Variants in CRB1 observed in about 807,000 individuals in gnomAD.
The protein encoded by CRB1 is crumbs cell polarity complex component 1.
CRB1 carries 83 observed loss-of-function variants against 120.0 expected under a neutral mutation model. That is an observed-to-expected ratio of 0.69 (90% confidence interval 0.58 to 0.83). CRB1 has a LOEUF of 0.83. CRB1 is among the 40% of genes least tolerant of loss of function. CRB1 has a pLI of 0.00. For synonymous variants in CRB1, 625 were observed against 612.5 expected (o/e 1.02, Z -0.30); for missense variants, 1,699 against 1,687.6 (o/e 1.01, Z -0.12).
chr1:197,373,019 C>T (rs529899347), intron 5 of CRB1, among the ~76,000 whole-genome samples: 1 of 152,204 alleles, frequency 6.6e-6, no homozygotes, highest in East Asian at 1.9e-4. Context: ...TGCCTCTCTC[C>T]CCTGAACTGC....
intron 5 of CRB1, among the ~76,000 whole-genome samples, chr1:197,365,353 C>T (rs1661003084): frequency 6.6e-6 from 1 of 152,102 alleles, no homozygotes; most frequent in African/African-American, 2.4e-5. Context: ...GCATAATCCC[C>T]TTTACTGATC....
chr1:197,346,402 C>T (rs1392127346), intron 3 of CRB1, among the ~76,000 whole-genome samples: 5 of 151,710 alleles, frequency 3.3e-5, no homozygotes, highest in Non-Finnish European at 7.4e-5. Flanking sequence ...GGGTTTTTGT[C>T]GCTAATGTTT....
chr1:197,396,764 G>T (rs998358476), intron 5 of CRB1, among the ~76,000 whole-genome samples: 3 of 152,130 alleles, frequency 2.0e-5, no homozygotes, highest in Admixed American at 1.3e-4. Flanking sequence ...CAGCCATATT[G>T]CAGGGAAATG....
intron 5 of CRB1, among the ~76,000 whole-genome samples, chr1:197,367,117 A>T (rs1186248341): frequency 6.6e-6 from 1 of 152,200 alleles, no homozygotes; most frequent in Non-Finnish European, 1.5e-5. Context: ...GTTGAATAAT[A>T]CTATTCAGTC....
At position 197,421,531 on chromosome 1, in the gene CRB1, A is replaced by G. The variant is rs756039000; in HGVS notation, c.1703A>G (p.His568Arg). 1 of 1,614,214 alleles carries G rather than the reference A, an allele frequency of 6.2e-7. No individual in the cohort carries two copies. Among genetic ancestry groups the G allele is most frequent in the Non-Finnish European group, 8.5e-7 (1 of 1,180,040 alleles). ...CACAACACCAGCGATGGAGAGTGGC[A>G]TTTCGTGGAGGTAATATTTGCAGAG... ...ISHNTSDGEW[H>R]FVEVIFAEAV... The change falls in exon 6 of 12, where the codon CAT becomes CGT. Residue 568 changes from histidine (H) to arginine (R), a missense_variant. Coordinates refer to ENST00000367400, the MANE Select transcript of CRB1 (RefSeq NM_201253.3).
chr1:197,313,021 T>A (rs766899257), intron 1 of CRB1, among the ~76,000 whole-genome samples: 63 of 152,212 alleles, frequency 4.1e-4, no homozygotes, highest in Admixed American at 4.1e-3. Flanking sequence ...GAGGTTTGAT[T>A]GACTCACAGT....
At chr1:197,260,443 T>G in the CRB1 span, among the ~76,000 whole-genome samples, 1 of 151,826 alleles carries the variant, frequency 6.6e-6, no homozygotes. Flanking sequence ...TTTTAATATA[T>G]GTATTTTAAT....
At chr1:197,447,827 C>T (rs1665773010) in intron 11 of CRB1, among the ~76,000 whole-genome samples, 1 of 146,980 alleles carries the variant, frequency 6.8e-6, no homozygotes, top group Non-Finnish European at 1.5e-5. Context: ...GCACTCCAGC[C>T]TGGGCAACAG....
intron 5 of CRB1, among the ~76,000 whole-genome samples, chr1:197,405,270 G>T (rs559632252): frequency 3.3e-5 from 5 of 152,304 alleles, no homozygotes; most frequent in East Asian, 3.9e-4. Flanking sequence ...TGGAGACGGG[G>T]TTTCGCTGTG....
chr1:197,448,370 G>A (rs890238216), intron 11 of CRB1, among the ~76,000 whole-genome samples: 2 of 152,178 alleles, frequency 1.3e-5, no homozygotes, highest in African/African-American at 4.8e-5. Flanking sequence ...GATGCCAGGA[G>A]TTCCACTGGT....
chr1:197,443,884 C>A (rs1446473740), intron 11 of CRB1: 1 of 151,520 alleles, frequency 6.6e-6, no homozygotes, highest in African/African-American at 2.4e-5. Context: ...GTAGATATAC[C>A]CTTCCAAAGA....
At chr1:197,428,879 C>A in intron 7 of CRB1, 2 of 1,289,444 alleles carry the variant, frequency 1.6e-6, no homozygotes, top group Non-Finnish European at 2.1e-6. Flanking sequence ...ACAGTTCATG[C>A]TCTAATAAAT....
intron 11 of CRB1, among the ~76,000 whole-genome samples, chr1:197,471,557 T>C (rs1482060364): frequency 6.6e-6 from 1 of 152,172 alleles, no homozygotes; most frequent in Non-Finnish European, 1.5e-5. Flanking sequence ...GGCTCTCTGA[T>C]CGCCATCCTT....
At chr1:197,262,272 A>G in the CRB1 span, among the ~76,000 whole-genome samples, 2 of 152,186 alleles carry the variant, frequency 1.3e-5, no homozygotes, top group East Asian at 1.9e-4. Flanking sequence ...AGAACCTACT[A>G]TGTTCTGGAT....
At chr1:197,259,983 T>TAAA in the CRB1 span, among the ~76,000 whole-genome samples, 1 of 131,148 alleles carries the variant, frequency 7.6e-6, no homozygotes. Flanking sequence ...GCCCCATGTC[T>TAAA]AAAAAAAAAA....
chr1:197,427,546 A>C lies in CRB1; in HGVS notation c.2221A>C (p.Met741Leu). Residue 741 changes from methionine to leucine, a missense_variant, in exon 7 of 12, where the codon ATG (methionine) becomes CTG (leucine). Transcript: ENST00000367400. Reference sequence around the variant, plus strand: ...CTATGGAGACACCATCAGCCTCTCCATGTTTGTCCGAACGCTTCAACCATC... The same window carrying C: ...CTATGGAGACACCATCAGCCTCTCCCTGTTTGTCCGAACGCTTCAACCATC... ...ESYGDTISLSMFVRTLQPSGL... is the reference protein window; with the variant it reads ...ESYGDTISLSLFVRTLQPSGL... The C allele has an allele frequency of 6.2e-7, 1 of 1,613,924 alleles. No homozygotes were observed.
chr1:197,463,120 T>C (rs1666603604), intron 11 of CRB1, among the ~76,000 whole-genome samples: 1 of 152,184 alleles, frequency 6.6e-6, no homozygotes, highest in African/African-American at 2.4e-5. Flanking sequence ...CTTCATTGTT[T>C]AGTTGTTTTA....
chr1:197,326,014 AC>A (rs1276147539), intron 1 of CRB1, among the ~76,000 whole-genome samples: 1 of 152,184 alleles, frequency 6.6e-6, no homozygotes, highest in Non-Finnish European at 1.5e-5. Context: ...TTAAGAAAAG[AC>A]TGAGTATACT....
At chr1:197,233,156 C>T in the CRB1 span, among the ~76,000 whole-genome samples, 1 of 152,050 alleles carries the variant, frequency 6.6e-6, no homozygotes, top group Non-Finnish European at 1.5e-5. Flanking sequence ...AAACAATATT[C>T]CATGTCAAGA....
Sources: allele counts gnomAD v4.1 joint callset (sites outside exome capture counted in the v4.1 genomes callset), GRCh38; gene constraint gnomAD v4.1.1; transcripts MANE v1.5; gene names NCBI Gene and HGNC (gene_info 2026-07-23, HGNC 2026-07-21).